PKN2: variants seen among roughly 807,000 people sequenced by gnomAD.
PKN2 encodes the protein protein kinase N2, also known as serine/threonine-protein kinase N2.
A neutral mutation model predicts 119.1 loss-of-function variants in PKN2; 38 were observed. That is an observed-to-expected ratio of 0.32 (90% CI 0.25 to 0.42). The LOEUF (loss-of-function observed/expected upper bound fraction) is 0.42, where lower values mean the gene tolerates loss of function less well. Among genes scored for constraint, PKN2 ranks in the 10% least tolerant of loss-of-function variants. The probability of loss-of-function intolerance (pLI) is 1.00; values close to 1 mark genes in which losing one functional copy is unlikely to be tolerated. For synonymous variants in PKN2, 390 were observed against 384.9 expected, an observed-to-expected ratio of 1.01 and a Z score of -0.15; for missense variants, 850 against 1,165.1, an observed-to-expected ratio of 0.73 and a Z score of 3.94.
At chr1:88,740,171 A>C (rs763574027) in intron 1 of PKN2, among the ~76,000 whole-genome samples, 17 of 152,154 alleles carry the variant, frequency 1.1e-4, no homozygotes, top group Non-Finnish European at 2.5e-4. Flanking sequence ...TCATCTTTAG[A>C]TTGTGGTATA....
chr1:88,807,808 C>A, intron 15 of PKN2, 33 bp downstream of exon 15: 1 of 1,285,458 alleles, frequency 7.8e-7, no homozygotes, highest in Non-Finnish European at 1.1e-6. Context: ...GTTTATTTTT[C>A]TGAATTTGTA....
intron 2 of PKN2, among the ~76,000 whole-genome samples, chr1:88,753,947 G>A (rs935976948): frequency 6.6e-6 from 1 of 152,138 alleles, no homozygotes; most frequent in African/African-American, 2.4e-5. Flanking sequence ...CCAGCTTTCA[G>A]TGTTGTTGCT....
Position 88,802,328 on chromosome 1 carries a change from A to AT in PKN2, c.1282-2048dup, listed in dbSNP as rs1038007038. 4.7e-3 allele frequency among the ~76,000 whole-genome samples: 680 copies of AT among 144,698 alleles called. 1 individual carries two copies. The highest frequency in any genetic ancestry group is 0.011 in the Middle Eastern group (3 of 270). The allele number at this position is 144,698 out of a possible 152,430, so 94.9% of individuals were successfully genotyped here. A position where few individuals can be genotyped will look rare whatever the true frequency, so the allele number is the denominator to read the frequency against. On this transcript the variant is annotated intron_variant, in intron 8 of 21. Coordinates refer to ENST00000370521, the MANE Select transcript of PKN2 (RefSeq NM_006256.4). ...TCTGTAACATACTTTATAAATTTTA[A>AT]TTTTTTTTTTTTTTTGAGACAGGGT... is the stretch of plus-strand genomic sequence containing the variant.
chr1:88,814,610 A>T (rs923595041), intron 16 of PKN2, among the ~76,000 whole-genome samples: 2 of 152,018 alleles, frequency 1.3e-5, no homozygotes, highest in African/African-American at 4.8e-5. Context: ...CCATTTTTCT[A>T]CCTACCTCAT....
chr1:88,782,589 A>G lies in PKN2; in HGVS notation c.986-2050A>G, dbSNP rs1367957540. ...CAAGGACACTAATCTTTTCTTTTGC[A>G]ATGTTTAATCTGCCTGCAGTCCCAT... On this transcript the variant is annotated intron_variant, in intron 6 of 21. Transcript: ENST00000370521. Among the ~76,000 whole-genome samples, 3 of 151,624 alleles carry G rather than the reference A, an allele frequency of 2.0e-5. No individual in the cohort carries two copies. The East Asian group carries it at 5.8e-4, about 29-fold the overall frequency.
In PKN2 at chr1:88,809,593, A is replaced by G. The variant is rs1006228991; in HGVS notation, c.2102+1818A>G. On this transcript the variant is annotated intron_variant, in intron 15 of 21. Transcript: ENST00000370521. ...TGGATCACAGGATGATGCTGTAGCC[A>G]GAATCTAGGCCATTACCTCTACTGA... Among the ~76,000 whole-genome samples, 10 of 152,206 alleles carry G rather than the reference A, an allele frequency of 6.6e-5. No homozygotes were observed. In the South Asian group the frequency reaches 1.2e-3, roughly 19 times the overall value.
At chr1:88,829,246 CCCAGGTCAATT>C in intron 19 of PKN2, 1 of 694,694 alleles carries the variant, frequency 1.4e-6, no homozygotes, top group African/African-American at 1.8e-5. Flanking sequence ...TGTTGAGTGG[CCCAGGTCAATT>C]TGCTGAGAAT....
intron 1 of PKN2, among the ~76,000 whole-genome samples, chr1:88,723,734 C>G (rs1466502180): frequency 6.6e-6 from 1 of 152,068 alleles, no homozygotes; most frequent in African/African-American, 2.4e-5. Context: ...TGTACTTTTG[C>G]CTCATTTCAG....
At position 88,813,276 on chromosome 1, in the gene PKN2, C is replaced by T. The variant is rs978138374; in HGVS notation, c.2103-281C>T. Among the ~76,000 whole-genome samples, 9 of 152,128 alleles carry T rather than the reference C, an allele frequency of 5.9e-5. No homozygotes were observed. The South Asian group carries it at 6.2e-4, about 11-fold the overall frequency. Reference sequence around the variant, plus strand: ...TTTCATATTTCACCCTTAATTAAGCCTTTTAAAAAATCAACTGTAACCACT... The same window carrying T: ...TTTCATATTTCACCCTTAATTAAGCTTTTTAAAAAATCAACTGTAACCACT... On this transcript the variant is annotated intron_variant, in intron 15 of 21. Transcript: ENST00000370521.
intron 1 of PKN2, among the ~76,000 whole-genome samples, chr1:88,728,298 CAT>C (rs944513926): frequency 2.6e-5 from 4 of 152,112 alleles, no homozygotes; most frequent in Non-Finnish European, 5.9e-5. Flanking sequence ...CAAGCAGGCA[CAT>C]GTTTCTTTTT....
chr1:88,698,765 T>G (rs980890917), intron 1 of PKN2, among the ~76,000 whole-genome samples: 6 of 152,230 alleles, frequency 3.9e-5, no homozygotes, highest in Admixed American at 3.3e-4. Flanking sequence ...AATTTTTGAT[T>G]TATCAACTTT....
rs1665971350 is a variant in PKN2, at chr1:88,684,306, C to T, written c.-275C>T. On this transcript the variant is annotated 5_prime_UTR_variant, in exon 1 of 22. Coordinates refer to ENST00000370521, the MANE Select transcript of PKN2 (RefSeq NM_006256.4). Reference sequence around the variant, plus strand: ...AGCGCCCGCACGGAGAGGCTTGAGGCGGCTCCTGGCGTCGCCCAGAGGGAG... The same window carrying T: ...AGCGCCCGCACGGAGAGGCTTGAGGTGGCTCCTGGCGTCGCCCAGAGGGAG... The T allele has an allele frequency of 2.6e-6, 1 of 385,390 alleles. No individual in the cohort carries two copies. The highest frequency in any genetic ancestry group is 4.7e-6 in the Non-Finnish European group (1 of 213,946). 23.9% of individuals were successfully genotyped at this position (385,390 alleles called of 1,614,324 possible).
chr1:88,703,962 C>CT (rs199782130), intron 1 of PKN2, among the ~76,000 whole-genome samples: 207 of 150,402 alleles, frequency 1.4e-3, no homozygotes, highest in African/African-American at 4.3e-3. Context: ...CTTAAAAAGG[C>CT]TTTTTTTTTC....
intron 8 of PKN2, among the ~76,000 whole-genome samples, chr1:88,799,327 C>T (rs1001390563): frequency 6.6e-6 from 1 of 152,172 alleles, no homozygotes; most frequent in Non-Finnish European, 1.5e-5. Context: ...CCCATATGAT[C>T]CCAAAGTTTC....
rs547261602 is a variant in PKN2, at chr1:88,817,528, A to G, written c.2279+3795A>G. Among the ~76,000 whole-genome samples, 22 of 152,102 alleles carry G rather than the reference A, an allele frequency of 1.4e-4. No individual in the cohort carries two copies. The South Asian group carries it at 3.1e-3, about 22-fold the overall frequency. On this transcript the variant is annotated intron_variant, in intron 16 of 21. Coordinates refer to ENST00000370521, the MANE Select transcript of PKN2 (RefSeq NM_006256.4). ...CGAGACCAGCCTGGCCAACATGGTG[A>G]AACCCCATCTCTACTAAAAACACAA...
At chr1:88,704,455 G>C (rs1666894310) in intron 1 of PKN2, among the ~76,000 whole-genome samples, 1 of 152,106 alleles carries the variant, frequency 6.6e-6, no homozygotes, top group Non-Finnish European at 1.5e-5. Flanking sequence ...TTGAACATTT[G>C]TGTAGAAGTT....
Position 88,785,785 on chromosome 1 carries a change from A to G in PKN2, c.1172-319A>G, listed in dbSNP as rs1466672515. On this transcript the variant is annotated intron_variant, in intron 7 of 21. Transcript: ENST00000370521. The stretch of plus-strand genomic sequence containing the variant: ...GAAACAAGCTCTATAAATATAAGAT[A>G]TAGAAAGAAAAACTGATTGATATTC... Among the ~76,000 whole-genome samples, 2 of 152,214 alleles carry G rather than the reference A, an allele frequency of 1.3e-5. 1 individual carries two copies. The highest frequency in any genetic ancestry group is 4.8e-5 in the African/African-American group (2 of 41,456).
At chr1:88,709,607 A>G (rs1667142912) in intron 1 of PKN2, among the ~76,000 whole-genome samples, 1 of 152,246 alleles carries the variant, frequency 6.6e-6, no homozygotes, top group South Asian at 2.1e-4. Context: ...TTAGAGCCAT[A>G]TTAGGAACAT....
At chr1:88,745,998 T>C (rs769200567) in intron 2 of PKN2, among the ~76,000 whole-genome samples, 1 of 152,164 alleles carries the variant, frequency 6.6e-6, no homozygotes, top group Non-Finnish European at 1.5e-5. Flanking sequence ...CTTCAATAAA[T>C]GGTGTTGGGA....
Sources: gnomAD v4.1 joint callset for allele counts (sites outside exome capture counted in the v4.1 genomes callset) on GRCh38, gnomAD v4.1.1 for gene constraint, MANE v1.5 for transcripts, NCBI Gene and HGNC (gene_info 2026-07-23, HGNC 2026-07-21) for gene names.